The following MSI2 variants were observed in gnomAD, a reference collection of about 807,000 sequenced individuals.
The protein encoded by MSI2 is RNA-binding protein Musashi homolog 2.
MSI2 carries 17 observed loss-of-function variants against 45.6 expected under a neutral mutation model. That is an observed-to-expected ratio of 0.37 (90% CI 0.26 to 0.56). The LOEUF is 0.56. MSI2 is among the 20% of genes least tolerant of loss of function. The pLI is 0.77. For synonymous variants in MSI2, 156 were observed against 158.2 expected (o/e 0.99, Z 0.11); for missense variants, 293 against 444.2 (o/e 0.66, Z 3.06).
intron 6 of MSI2, among the ~76,000 whole-genome samples, chr17:57,433,188 G>A (rs1005402120): frequency 6.6e-6 from 1 of 152,194 alleles, no homozygotes. Context: ...AAGGTGACAC[G>A]CCAAGTTGTT....
intron 8 of MSI2, chr17:57,601,450 G>C (rs904620828): frequency 3.3e-5 from 5 of 152,246 alleles, no homozygotes; most frequent in African/African-American, 9.7e-5. Flanking sequence ...GCCCCAGTGC[G>C]GGTGCAGCTA....
At chr17:57,454,155 A>G (rs541521883) in intron 6 of MSI2, among the ~76,000 whole-genome samples, 2 of 152,304 alleles carry the variant, frequency 1.3e-5, no homozygotes, top group African/African-American at 4.8e-5. Flanking sequence ...TCTTGAGCAC[A>G]TTGGCTCAGT....
chr17:57,358,885 C>G (rs1916631101), intron 5 of MSI2, among the ~76,000 whole-genome samples: 1 of 152,042 alleles, frequency 6.6e-6, no homozygotes, highest in African/African-American at 2.4e-5. Flanking sequence ...AACGTATCAT[C>G]TTTTGAGGAG....
At chr17:57,369,408 G>C (rs1488327762) in intron 5 of MSI2, among the ~76,000 whole-genome samples, 1 of 152,190 alleles carries the variant, frequency 6.6e-6, no homozygotes, top group Admixed American at 6.5e-5. Context: ...AGGGTCTTGA[G>C]TCTTTGAGCC....
intron 6 of MSI2, among the ~76,000 whole-genome samples, chr17:57,432,378 C>T (rs1334087226): frequency 1.3e-5 from 2 of 152,140 alleles, no homozygotes; most frequent in Non-Finnish European, 2.9e-5. Context: ...CATAGCCATT[C>T]TCAGGTTTCT....
At chr17:57,589,460 C>A (rs1209911169) in intron 7 of MSI2, among the ~76,000 whole-genome samples, 4 of 152,224 alleles carry the variant, frequency 2.6e-5, no homozygotes, top group Non-Finnish European at 4.4e-5. Context: ...GGCCTCAGAC[C>A]TTCCAAGTTT....
chr17:57,612,723 A>G (rs1907290357), intron 8 of MSI2, among the ~76,000 whole-genome samples: 1 of 152,174 alleles, frequency 6.6e-6, no homozygotes. Flanking sequence ...CAGTCAGTTA[A>G]CCTTTATGTT....
intron 6 of MSI2, among the ~76,000 whole-genome samples, chr17:57,483,678 G>T (rs1226560141): frequency 6.6e-6 from 1 of 152,242 alleles, no homozygotes; most frequent in Admixed American, 6.5e-5. Flanking sequence ...TCATGTCTCT[G>T]AGGGGGTGGA....
intron 10 of MSI2, chr17:57,630,295 G>T (rs924170718): frequency 4.6e-5 from 7 of 152,268 alleles, no homozygotes; most frequent in African/African-American, 1.7e-4. Flanking sequence ...ATACAATCAG[G>T]TGGGTTTGAA....
At chr17:57,366,296 C>T (rs900683223) in intron 5 of MSI2, among the ~76,000 whole-genome samples, 4 of 152,186 alleles carry the variant, frequency 2.6e-5, no homozygotes, top group East Asian at 1.9e-4. Flanking sequence ...CCGAGACCAC[C>T]GGTGGGGTGG....
At chr17:57,508,824 G>C (rs973492000) in intron 6 of MSI2, among the ~76,000 whole-genome samples, 2 of 152,222 alleles carry the variant, frequency 1.3e-5, no homozygotes, top group African/African-American at 4.8e-5. Flanking sequence ...GCTTGCACCT[G>C]GCTGGATAAA....
chr17:57,599,726 G>A (rs1349473087), intron 8 of MSI2, among the ~76,000 whole-genome samples: 1 of 152,224 alleles, frequency 6.6e-6, no homozygotes, highest in Non-Finnish European at 1.5e-5. Context: ...TCCCAGCACA[G>A]CCCAACAGTT....
At chr17:57,430,832 A>G (rs1175246294) in intron 6 of MSI2, among the ~76,000 whole-genome samples, 4 of 152,210 alleles carry the variant, frequency 2.6e-5, no homozygotes, top group Non-Finnish European at 2.9e-5. Context: ...GGTTGGGTGG[A>G]GGAATCAGAG....
At chr17:57,696,077 TG>T in the MSI2 span, among the ~76,000 whole-genome samples, 3 of 152,182 alleles carry the variant, frequency 2.0e-5, no homozygotes, top group South Asian at 6.2e-4. Flanking sequence ...AATAGGAATT[TG>T]GGGAGACATG....
Position 57,683,405 on chromosome 17 carries a change from C to G in MSI2, c.*3888C>G, listed in dbSNP as rs1913731421. Reference sequence around the variant, plus strand: ...TTGGTTCCAAATAGAAAAACAAAACCTATTTTGATCTTTAGTGCAAACGAG... The same window carrying G: ...TTGGTTCCAAATAGAAAAACAAAACGTATTTTGATCTTTAGTGCAAACGAG... On this transcript the variant is annotated 3_prime_UTR_variant, in exon 14 of 14. Coordinates refer to ENST00000284073, the MANE Select transcript of MSI2 (RefSeq NM_138962.4). The surrounding 1 kb of genome is among the most constrained non-coding windows in gnomAD (Gnocchi z 5.2). 1 of 228,778 alleles carries G rather than the reference C, an allele frequency of 4.4e-6. No homozygotes were observed. The highest frequency in any genetic ancestry group is 8.7e-6 in the Non-Finnish European group (1 of 115,312). 14.2% of individuals were successfully genotyped at this position (228,778 alleles called of 1,614,324 possible).
intron 6 of MSI2, among the ~76,000 whole-genome samples, chr17:57,465,004 G>C (rs899658078): frequency 6.6e-6 from 1 of 152,162 alleles, no homozygotes; most frequent in Non-Finnish European, 1.5e-5. Flanking sequence ...TACCTGCCCT[G>C]GGAAATGCCC....
intron 5 of MSI2, among the ~76,000 whole-genome samples, chr17:57,399,853 G>T (rs907897760): frequency 6.6e-6 from 1 of 152,214 alleles, no homozygotes; most frequent in East Asian, 1.9e-4. Context: ...CCAGGAGCTG[G>T]ATTTCCAGTG....
intron 5 of MSI2, chr17:57,266,997 G>C (rs139819964): frequency 6.6e-6 from 1 of 152,350 alleles, no homozygotes; most frequent in Non-Finnish European, 1.5e-5. Flanking sequence ...CAGCCCGAGC[G>C]TGTACACGCA....
At chr17:57,462,259 G>A (rs777601292) in intron 6 of MSI2, among the ~76,000 whole-genome samples, 7 of 152,200 alleles carry the variant, frequency 4.6e-5, no homozygotes, top group Non-Finnish European at 8.8e-5. Context: ...GGTTCTCTCC[G>A]ACTTTCTCTT....
Sources: allele counts gnomAD v4.1 joint callset (sites outside exome capture counted in the v4.1 genomes callset), GRCh38; gene constraint gnomAD v4.1.1; non-coding constraint Gnocchi (gnomAD v3.1); transcripts MANE v1.5; gene names NCBI Gene and HGNC (gene_info 2026-07-23, HGNC 2026-07-21).